Variants in KANSL1 observed in about 807,000 individuals in gnomAD.
KANSL1 encodes KAT8 regulatory NSL complex subunit 1, also known as MLL1/MLL complex subunit KANSL1.
A neutral mutation model predicts 103.6 loss-of-function variants in KANSL1; 22 were observed. The observed-to-expected ratio is 0.21, with a 90% CI of 0.15 to 0.30. The LOEUF is 0.30. KANSL1 is among the 10% of genes least tolerant of loss of function. The pLI is 1.00. For missense variants in KANSL1, 1,337 were observed against 1,399.8 expected, an observed-to-expected ratio of 0.96 and a Z score of 0.72; for synonymous variants, 600 against 527.6, an observed-to-expected ratio of 1.14 and a Z score of -1.88.
intron 2 of KANSL1, chr17:46,148,116 A>G (rs951786034): frequency 6.6e-6 from 1 of 152,256 alleles, no homozygotes; most frequent in Non-Finnish European, 1.5e-5. Flanking sequence ...GACACACACT[A>G]AATAATAATT....
At chr17:46,100,523 T>C (rs2042267284) in intron 2 of KANSL1, among the ~76,000 whole-genome samples, 1 of 151,984 alleles carries the variant, frequency 6.6e-6, no homozygotes, top group Non-Finnish European at 1.5e-5. Flanking sequence ...TCCTTGCAAA[T>C]TCAGGGTTCA....
intron 1 of KANSL1, among the ~76,000 whole-genome samples, chr17:46,181,905 C>T (rs1394651034): frequency 6.6e-6 from 1 of 151,844 alleles, no homozygotes; most frequent in Non-Finnish European, 1.5e-5. Context: ...TGTCCCCAAA[C>T]TTACTAATTT....
At chr17:46,135,094 T>C (rs941855204) in intron 2 of KANSL1, among the ~76,000 whole-genome samples, 1 of 152,174 alleles carries the variant, frequency 6.6e-6, no homozygotes, top group Non-Finnish European at 1.5e-5. Flanking sequence ...TCTACTCTTT[T>C]GTGCCCTCTA....
intron 3 of KANSL1, among the ~76,000 whole-genome samples, chr17:46,084,381 C>CCAA (rs74515016): frequency 5.9e-4 from 90 of 151,332 alleles, no homozygotes; most frequent in Middle Eastern, 3.4e-3. Flanking sequence ...GGCTCTATCT[C>CCAA]CAACAACAAC....
chr17:46,156,295 C>A (rs1337340834), intron 2 of KANSL1, among the ~76,000 whole-genome samples: 1 of 152,188 alleles, frequency 6.6e-6, no homozygotes, highest in East Asian at 1.9e-4. Flanking sequence ...TGCAGTGAGC[C>A]GAGATGGCAC....
At chr17:46,174,346 G>C (rs564966693) in intron 1 of KANSL1, among the ~76,000 whole-genome samples, 465 of 152,148 alleles carry the variant, frequency 3.1e-3, no homozygotes, top group Middle Eastern at 0.02. Context: ...CACCACGCCT[G>C]GCTAATTTTT....
In KANSL1 at chr17:46,062,134, A is replaced by AAAAAC. The variant is rs67483415; in HGVS notation, c.1848+4402_1848+4403insGTTTT. On this transcript the variant is annotated intron_variant, in intron 6 of 14. Transcript: ENST00000432791. The stretch of plus-strand genomic sequence containing the variant: ...ACAAACAAACAAAAAAAAAAAAAAA[A>AAAAAC]CATGTTACAGCAGATTTACCTCCCC... 4.3e-3 allele frequency among the ~76,000 whole-genome samples: 566 copies of AAAAAC among 132,554 alleles called. 3 individuals are homozygous for AAAAAC. Among genetic ancestry groups the AAAAAC allele is most frequent in the South Asian group, 7.8e-3 (27 of 3,446 alleles). 87.0% of individuals were successfully genotyped at this position (132,554 alleles called of 152,430 possible).
intron 1 of KANSL1, among the ~76,000 whole-genome samples, chr17:46,191,931 G>C (rs2047350307): frequency 7.4e-6 from 1 of 136,008 alleles, no homozygotes; most frequent in South Asian, 2.3e-4. Flanking sequence ...TACGAGTTGT[G>C]CTTCTAACAC....
chr17:46,059,046 C>A (rs1330919514), intron 6 of KANSL1, among the ~76,000 whole-genome samples: 4 of 127,024 alleles, frequency 3.1e-5, no homozygotes. Context: ...GACTCCATCT[C>A]GGAAAAAAAA....
chr17:46,074,380 G>A (rs1384167766), intron 4 of KANSL1, among the ~76,000 whole-genome samples: 1 of 151,802 alleles, frequency 6.6e-6, no homozygotes, highest in Non-Finnish European at 1.5e-5. Context: ...ATAAATGAGG[G>A]GGGAAGACAC....
At chr17:46,054,656 CCTCT>C (rs1274623377) in intron 6 of KANSL1, among the ~76,000 whole-genome samples, 1 of 152,078 alleles carries the variant, frequency 6.6e-6, no homozygotes, top group Non-Finnish European at 1.5e-5. Context: ...GCCTCTATCC[CCTCT>C]CTCTGACTTC....
chr17:46,197,218 C>G (rs2047641678), upstream of KANSL1, among the ~76,000 whole-genome samples: 1 of 152,254 alleles, frequency 6.6e-6, no homozygotes, highest in Non-Finnish European at 1.5e-5. Context: ...TCTGTGTTCT[C>G]TCTACCTAGA....
At chr17:46,033,511 G>C (rs1354451872) in intron 11 of KANSL1, 51 bp from the exon 12 acceptor site, 1 of 1,505,050 alleles carries the variant, frequency 6.6e-7, no homozygotes, top group Non-Finnish European at 9.2e-7. Flanking sequence ...GCTAAAACTG[G>C]GGGCAGGGTC....
At chr17:46,060,446 GTA>G (rs2078117264) in intron 6 of KANSL1, among the ~76,000 whole-genome samples, 1 of 152,116 alleles carries the variant, frequency 6.6e-6, no homozygotes, top group South Asian at 2.1e-4. Context: ...GTTTTATAAT[GTA>G]TATATAAAAC....
In KANSL1 at chr17:46,163,253, G is replaced by C. The variant is rs2045836444; in HGVS notation, c.1289+7602C>G. ...GCATGTAGCAGGCATTCAATGTAGA[G>C]TTAATGAATGAATTAATCAAATCCA... On this transcript the variant is annotated intron_variant, in intron 2 of 14. Transcript: ENST00000432791. Among the ~76,000 whole-genome samples the C allele has an allele frequency of 2.0e-5, 3 of 152,242 alleles. No individual in the cohort carries two copies. The South Asian group carries it at 6.2e-4, about 31-fold the overall frequency.
chr17:46,177,194 G>C (rs1459860272), intron 1 of KANSL1, among the ~76,000 whole-genome samples: 1 of 152,196 alleles, frequency 6.6e-6, no homozygotes, highest in Admixed American at 6.5e-5. Flanking sequence ...AGGATGCTAT[G>C]ATGATGAAAT....
At position 46,171,924 on chromosome 17, in the gene KANSL1, T is replaced by G; in HGVS notation, c.220A>C (p.Lys74Gln). ...TAAGATGCCACCAGTGGTTGCAGCT[T>G]TCCCAAGTCTTCCTTGGTAGGATTA... ...RNNPTKEDLGKLQPLVASYLC... is the reference protein window; with the variant it reads ...RNNPTKEDLGQLQPLVASYLC... Residue 74 changes from lysine (K) to glutamine (Q), a missense_variant, in exon 2 of 15, where the codon AAG (lysine) becomes CAG (glutamine). Transcript: ENST00000432791. 6.2e-7 allele frequency: 1 copy of G among 1,614,268 alleles called. No individual in the cohort carries two copies. Among genetic ancestry groups the G allele is most frequent in the South Asian group, 1.1e-5 (1 of 91,092 alleles).
chr17:46,043,665 T>A (rs2077404463), intron 7 of KANSL1: 1 of 152,248 alleles, frequency 6.6e-6, no homozygotes, highest in African/African-American at 2.4e-5. Context: ...TATTTGTTAC[T>A]GCTAGATTAT....
chr17:46,103,241 T>A (rs1001513090), intron 2 of KANSL1, among the ~76,000 whole-genome samples: 2 of 152,226 alleles, frequency 1.3e-5, no homozygotes, highest in African/African-American at 4.8e-5. Context: ...CCTGTTTGAA[T>A]GAAAATTTAC....
Sources: allele counts gnomAD v4.1 joint callset (sites outside exome capture counted in the v4.1 genomes callset), GRCh38; gene constraint gnomAD v4.1.1; transcripts MANE v1.5; gene names NCBI Gene and HGNC (gene_info 2026-07-23, HGNC 2026-07-21).